STXBP5L: variants seen among roughly 807,000 people sequenced by gnomAD.
STXBP5L encodes the protein syntaxin binding protein 5L, also known as syntaxin-binding protein 5-like.
A neutral mutation model predicts 144.5 loss-of-function variants in STXBP5L; 65 were observed. That is an observed-to-expected ratio of 0.45 (90% CI 0.37 to 0.55). The LOEUF is 0.55. STXBP5L is among the 20% of genes least tolerant of loss of function. The pLI is 0.00. For missense variants in STXBP5L, 1,298 were observed against 1,405.5 expected (o/e 0.92, Z 1.22); for synonymous variants, 505 against 469.6 (o/e 1.08, Z -0.97).
At chr3:121,313,193 G>A (rs533334041) in intron 19 of STXBP5L, among the ~76,000 whole-genome samples, 1,652 of 140,330 alleles carry the variant, frequency 0.012, 27 homozygotes, top group African/African-American at 0.043. Flanking sequence ...CCTCCCGGAC[G>A]GGGCGGCCGG....
intron 20 of STXBP5L, among the ~76,000 whole-genome samples, chr3:121,375,328 C>A (rs933659120): frequency 2.0e-5 from 3 of 152,052 alleles, no homozygotes; most frequent in Non-Finnish European, 4.4e-5. Context: ...TCCAAAAAGC[C>A]TGGATCTCAG....
intron 5 of STXBP5L, among the ~76,000 whole-genome samples, chr3:121,070,493 T>A (rs980570317): frequency 6.6e-6 from 1 of 152,200 alleles, no homozygotes; most frequent in Non-Finnish European, 1.5e-5. Flanking sequence ...AAAATTTCTA[T>A]TACTACTACT....
chr3:121,080,767 A>T (rs778760633), intron 5 of STXBP5L, among the ~76,000 whole-genome samples: 1 of 152,158 alleles, frequency 6.6e-6, no homozygotes, highest in Non-Finnish European at 1.5e-5. Context: ...ACAGCTCTTA[A>T]GATTCTTTTC....
At chr3:120,913,205 T>C (rs1708936854) in intron 2 of STXBP5L, among the ~76,000 whole-genome samples, 3 of 152,070 alleles carry the variant, frequency 2.0e-5, no homozygotes, top group Admixed American at 1.3e-4. Flanking sequence ...ATGAACTCTT[T>C]GAAAAGCAAA....
intron 9 of STXBP5L, among the ~76,000 whole-genome samples, chr3:121,192,175 C>T (rs1038958337): frequency 6.6e-6 from 1 of 152,154 alleles, no homozygotes. Flanking sequence ...TTCTTATACA[C>T]CAATAACAGA....
chr3:121,186,639 G>T (rs2047394387), intron 9 of STXBP5L, among the ~76,000 whole-genome samples: 2 of 152,268 alleles, frequency 1.3e-5, no homozygotes, highest in South Asian at 4.2e-4. Flanking sequence ...TCCCAGGGAT[G>T]AAGCCCACTT....
intron 18 of STXBP5L, among the ~76,000 whole-genome samples, chr3:121,274,867 G>C (rs2050834355): frequency 6.6e-6 from 1 of 152,182 alleles, no homozygotes; most frequent in Non-Finnish European, 1.5e-5. Context: ...TCAGAGGCCT[G>C]TCAGGTCACG....
chr3:121,058,111 T>A (rs1948584662), intron 5 of STXBP5L, among the ~76,000 whole-genome samples: 1 of 152,188 alleles, frequency 6.6e-6, no homozygotes. Context: ...TTTCTTGTAA[T>A]GCTATCCCTC....
intron 20 of STXBP5L, among the ~76,000 whole-genome samples, chr3:121,322,547 C>T (rs142085098): frequency 0.036 from 5,392 of 151,384 alleles, 146 homozygotes; most frequent in Middle Eastern, 0.084. Flanking sequence ...ATATGAACCA[C>T]ATTTTCTTTA....
At position 121,030,892 on chromosome 3, in the gene STXBP5L, G is replaced by A. The variant is rs533331958; in HGVS notation, c.288-10808G>A. On this transcript the variant is annotated intron_variant, in intron 3 of 26. Coordinates refer to ENST00000471454, the MANE Select transcript of STXBP5L (RefSeq NM_001308330.2). ...CCCCTCTCCTCAAAAAAGAAAGGGAGTTTATTAAATGGATATTGGGTAACT... is the reference window on the plus strand; with the variant it reads ...CCCCTCTCCTCAAAAAAGAAAGGGAATTTATTAAATGGATATTGGGTAACT... 2.6e-5 allele frequency among the ~76,000 whole-genome samples: 4 copies of A among 152,226 alleles called. No homozygotes were observed. The South Asian group carries it at 8.3e-4, about 32-fold the overall frequency.
intron 2 of STXBP5L, among the ~76,000 whole-genome samples, chr3:120,933,940 G>C (rs997058687): frequency 3.3e-5 from 5 of 151,920 alleles, no homozygotes; most frequent in Admixed American, 6.6e-5. Flanking sequence ...ATTGTAGTTT[G>C]CTGAAACCTT....
At chr3:121,234,823 C>T (rs1050455429) in intron 12 of STXBP5L, among the ~76,000 whole-genome samples, 9 of 151,872 alleles carry the variant, frequency 5.9e-5, no homozygotes, top group African/African-American at 2.2e-4. Flanking sequence ...TATGCTTATT[C>T]TTCTAAGAAG....
chr3:121,353,571 C>G (rs992678604), intron 20 of STXBP5L, among the ~76,000 whole-genome samples: 2 of 152,188 alleles, frequency 1.3e-5, no homozygotes, highest in Admixed American at 1.3e-4. Flanking sequence ...ATTCTTCTCT[C>G]TTTTCTTCTG....
intron 9 of STXBP5L, among the ~76,000 whole-genome samples, chr3:121,194,292 G>A (rs557388295): frequency 4.6e-5 from 7 of 152,132 alleles, no homozygotes; most frequent in Admixed American, 6.5e-5. Flanking sequence ...ACAATATTTG[G>A]CATTTTGTCA....
chr3:120,919,484 A>T (rs1350093547), intron 2 of STXBP5L, among the ~76,000 whole-genome samples: 1 of 151,902 alleles, frequency 6.6e-6, no homozygotes, highest in Non-Finnish European at 1.5e-5. Context: ...TGTACATTAC[A>T]TTTATTGAAT....
intron 10 of STXBP5L, among the ~76,000 whole-genome samples, chr3:121,218,008 A>G (rs930632262): frequency 7.6e-5 from 11 of 144,994 alleles, no homozygotes; most frequent in Non-Finnish European, 1.6e-4. Flanking sequence ...TATATAGTAT[A>G]ATATATATAC....
chr3:120,923,169 A>G (rs1043848140), intron 2 of STXBP5L, among the ~76,000 whole-genome samples: 3 of 151,550 alleles, frequency 2.0e-5, no homozygotes, highest in African/African-American at 7.3e-5. Flanking sequence ...AATTCCTCGC[A>G]TTTCTGTGGT....
intron 20 of STXBP5L, among the ~76,000 whole-genome samples, chr3:121,365,194 C>G (rs2045828539): frequency 6.6e-6 from 1 of 151,730 alleles, no homozygotes; most frequent in Admixed American, 6.6e-5. Flanking sequence ...CATCACTGTT[C>G]ATGAGGAATA....
intron 5 of STXBP5L, among the ~76,000 whole-genome samples, chr3:121,055,236 C>T (rs932721288): frequency 5.9e-5 from 9 of 151,966 alleles, no homozygotes; most frequent in African/African-American, 7.2e-5. Flanking sequence ...AATTATCTAT[C>T]GAAGTATGGT....
Sources: allele counts gnomAD v4.1 joint callset (sites outside exome capture counted in the v4.1 genomes callset), GRCh38; gene constraint gnomAD v4.1.1; transcripts MANE v1.5; gene names NCBI Gene and HGNC (gene_info 2026-07-23, HGNC 2026-07-21).